Variants in HAL observed in about 807,000 individuals in gnomAD.
HAL encodes the protein histidase.
HAL carries 85 observed loss-of-function variants against 81.1 expected under a neutral mutation model. The ratio of observed to expected loss-of-function variants is 1.05; its 90% CI spans 0.88 to 1.25. The LOEUF is 1.25. HAL is among the 50% of genes most tolerant of loss of function. The probability of loss-of-function intolerance (pLI) is 0.00; values close to 1 mark genes in which losing one functional copy is unlikely to be tolerated. For missense variants in HAL, 798 were observed against 836.6 expected, an observed-to-expected ratio of 0.95 and a Z score of 0.57; for synonymous variants, 301 against 309.2, an observed-to-expected ratio of 0.97 and a Z score of 0.28.
At chr12:95,975,328 A>G (rs900029550) in intron 20 of HAL, among the ~76,000 whole-genome samples, 3 of 148,222 alleles carry the variant, frequency 2.0e-5, no homozygotes, top group African/African-American at 7.5e-5. Flanking sequence ...TTTGCCTCCC[A>G]CCCACCAACC....
chr12:95,996,054 T>C, intron 1 of HAL, 24 bp downstream of exon 1: 6 of 816,666 alleles, frequency 7.3e-6, no homozygotes, highest in South Asian at 1.5e-5. Flanking sequence ...CATTCATGCA[T>C]TGGACAAATA....
intron 6 of HAL, 30 bp downstream of exon 6, chr12:95,993,896 A>G: frequency 2.0e-6 from 3 of 1,485,312 alleles, no homozygotes; most frequent in South Asian, 2.3e-5. Context: ...TGTTTATAAA[A>G]ATATTTATAA....
Position 95,992,749 on chromosome 12 carries a change from T to G in HAL, c.646A>C (p.Asn216His), listed in dbSNP as rs763148961. The change falls in exon 9 of 21, where the codon AAT (asparagine) becomes CAT (histidine). Residue 216 changes from asparagine (N) to histidine (H), a missense_variant. Transcript: ENST00000261208. ...CCACTGTATCCTTTGGCTAAGACAT[T>G]GATCCTTAAAGCCAAGAGCATCCGA... Reference protein sequence around the residue: ...RCRMLLALRINVLAKGYSGIS... With the variant: ...RCRMLLALRIHVLAKGYSGIS... The G allele has an allele frequency of 1.2e-6, 2 of 1,612,524 alleles. No homozygotes were observed. The highest frequency in any genetic ancestry group is 2.7e-5 in the African/African-American group (2 of 74,904).
At chr12:95,986,918 G>C (rs1949896144) in intron 12 of HAL, 149 bp downstream of exon 12, 1 of 711,282 alleles carries the variant, frequency 1.4e-6, no homozygotes, top group African/African-American at 1.7e-5. Context: ...CCTAGATGAA[G>C]AGGCAGCACA....
intron 15 of HAL, among the ~76,000 whole-genome samples, chr12:95,981,312 A>G (rs2080792953): frequency 6.6e-6 from 1 of 152,210 alleles, no homozygotes; most frequent in Non-Finnish European, 1.5e-5. Context: ...AACTACCAAA[A>G]TGTCTGGAAC....
At chr12:95,987,239 C>T (rs1339778238) in intron 11 of HAL, 25 bp from the exon 12 acceptor site, 16 of 1,606,780 alleles carry the variant, frequency 1.0e-5, no homozygotes, top group Non-Finnish European at 1.3e-5. Context: ...AGCAAAGTTT[C>T]CTACTGTGAT....
chr12:95,990,420 C>T lies in HAL; in HGVS notation c.828G>A (p.Pro276=), dbSNP rs769643653. 9.9e-6 allele frequency: 16 copies of T among 1,613,518 alleles called. No individual in the cohort carries two copies. The highest frequency in any genetic ancestry group is 5.3e-5 in the African/African-American group (4 of 75,042). The change falls in exon 10 of 21, where the codon CCG becomes CCA. Residue 276 remains proline, a synonymous_variant. Coordinates refer to ENST00000261208, the MANE Select transcript of HAL (RefSeq NM_002108.4). ...GLVGEGKMWS[P]KSGWADAKYV... is the part of the protein sequence containing the mutation. ...ATTTAGCATCAGCCCAGCCACTCTTCGGAGACCACATCTTCCCTTCTCCAA... is the reference window on the plus strand; with the variant it reads ...ATTTAGCATCAGCCCAGCCACTCTTTGGAGACCACATCTTCCCTTCTCCAA...
intron 13 of HAL, 43 bp downstream of exon 13, chr12:95,986,022 A>G: frequency 6.3e-7 from 1 of 1,576,294 alleles, no homozygotes; most frequent in Non-Finnish European, 8.7e-7. Context: ...TCTTTTCACA[A>G]AACACGTAAC....
Position 95,995,914 on chromosome 12 carries a change from T to A in HAL, c.-4A>T. 1.9e-6 allele frequency: 3 copies of A among 1,602,650 alleles called. No homozygotes were observed. In the Admixed American group the frequency reaches 5.0e-5, roughly 27 times the overall value. ...CGTGCACCGTGTATCTGGGCATGGC[T>A]CCGCTGCAGCCTGAGGTCCTCAGCT... On this transcript the variant is annotated 5_prime_UTR_variant, in exon 2 of 21. Transcript: ENST00000261208.
intron 18 of HAL, among the ~76,000 whole-genome samples, chr12:95,977,048 G>C (rs1413989743): frequency 2.6e-5 from 4 of 152,116 alleles, no homozygotes; most frequent in Non-Finnish European, 5.9e-5. Flanking sequence ...GCCAAGTTTG[G>C]GTCATGTGGG....
Position 95,990,494 on chromosome 12 carries a change from C to G in HAL, c.754G>C (p.Gly252Arg). 2 of 1,613,310 alleles carry G rather than the reference C, an allele frequency of 1.2e-6. No homozygotes were observed. The highest frequency in any genetic ancestry group is 4.5e-5 in the East Asian group (2 of 44,874). The stretch of plus-strand genomic sequence containing the variant: ...AGTGGGGCAAGGTCTCCACTGGCAC[C>G]AACGGTTCCTTTCTCTGGGACATAG... The part of the protein sequence containing the change: ...LPYVPEKGTV[G>R]ASGDLAPLSH... Residue 252 changes from glycine to arginine, a missense_variant, in exon 10 of 21, where the codon GGT (glycine) becomes CGT (arginine). By Grantham distance (125) the Gly-to-Arg change is moderately radical. Transcript: ENST00000261208.
At chr12:95,995,268 C>A in intron 2 of HAL, 1 of 580,182 alleles carries the variant, frequency 1.7e-6, no homozygotes, top group South Asian at 2.0e-5. Flanking sequence ...TCTTCAAAAT[C>A]TGAACTGATG....
intron 4 of HAL, among the ~76,000 whole-genome samples, 157 bp from the exon 5 acceptor site, chr12:95,994,321 G>C (rs17024995): frequency 6.6e-6 from 1 of 152,198 alleles, no homozygotes; most frequent in African/African-American, 2.4e-5. Flanking sequence ...ATAAGAGGAG[G>C]CTTATTGGTG....
At chr12:95,978,450 G>A (rs567315903) in intron 17 of HAL, among the ~76,000 whole-genome samples, 5 of 152,242 alleles carry the variant, frequency 3.3e-5, no homozygotes, top group Admixed American at 6.5e-5. Context: ...CCAGAATTCC[G>A]ATGTGGCATT....
At chr12:95,987,013 G>GC in intron 12 of HAL, 54 bp downstream of exon 12, 1 of 1,499,202 alleles carries the variant, frequency 6.7e-7, no homozygotes, top group South Asian at 1.1e-5. Flanking sequence ...CAGCCACCCC[G>GC]CCCCACCACC....
In HAL at chr12:95,986,085, T is replaced by G; in HGVS notation, c.1127A>C (p.His376Pro). 6.2e-7 allele frequency: 1 copy of G among 1,611,904 alleles called. No individual in the cohort carries two copies. Among genetic ancestry groups the G allele is most frequent in the Non-Finnish European group, 8.5e-7 (1 of 1,178,004 alleles). The change falls in exon 13 of 21, where the codon CAC becomes CCC. Residue 376 changes from histidine to proline, a missense_variant. By Grantham distance (77) the His-to-Pro change is moderately conservative. Coordinates refer to ENST00000261208, the MANE Select transcript of HAL (RefSeq NM_002108.4). ...FRFRSLLDSDHHPSEIAESHR... is the reference protein window; with the variant it reads ...FRFRSLLDSDPHPSEIAESHR... ...CAGACCTGCTATTTCTGATGGGTGG[T>G]GATCTGAGTCCAAGAGTGACCGAAA...
At chr12:95,990,210 T>C (rs1050086840) in intron 10 of HAL, 183 bp downstream of exon 10, 2 of 675,220 alleles carry the variant, frequency 3.0e-6, no homozygotes, top group East Asian at 2.7e-5. Context: ...CAGCCGAGTA[T>C]AGAAGCTAAC....
chr12:95,978,546 A>C (rs2080753187), intron 17 of HAL, among the ~76,000 whole-genome samples: 2 of 151,798 alleles, frequency 1.3e-5, no homozygotes, highest in African/African-American at 2.4e-5. Flanking sequence ...GGATGTAAAC[A>C]GGGGCTCGAT....
intron 2 of HAL, among the ~76,000 whole-genome samples, 160 bp downstream of exon 2, chr12:95,995,504 G>A (rs1218877326): frequency 6.6e-6 from 1 of 152,180 alleles, no homozygotes; most frequent in East Asian, 1.9e-4. Context: ...GGTTGTGTGA[G>A]GACTTAAGAT....
Sources: gnomAD v4.1 joint callset for allele counts (sites outside exome capture counted in the v4.1 genomes callset) on GRCh38, gnomAD v4.1.1 for gene constraint, MANE v1.5 for transcripts, NCBI Gene and HGNC (gene_info 2026-07-23, HGNC 2026-07-21) for gene names.